NAGPA: variants seen among roughly 807,000 people sequenced by gnomAD.
NAGPA encodes the protein alpha-N-acetylglucosaminyl phosphodiesterase.
A neutral mutation model predicts 48.5 loss-of-function variants in NAGPA; 56 were observed. That is an observed-to-expected ratio of 1.15 (90% CI 0.93 to 1.44). The LOEUF is 1.44. Ranked by LOEUF, NAGPA falls within the 40% of genes most tolerant of loss-of-function variation. The probability of loss-of-function intolerance (pLI) is 0.00; values close to 1 mark genes in which losing one functional copy is unlikely to be tolerated. For missense variants in NAGPA, 888 were observed against 735.0 expected, an observed-to-expected ratio of 1.21 and a Z score of -2.41; for synonymous variants, 399 against 315.5, an observed-to-expected ratio of 1.26 and a Z score of -2.81.
rs1315039942 is a variant in NAGPA, at chr16:5,025,505, C to T, written c.1521G>A (p.Gly507=). ...AGTCCTTGAAGGGGTTGTGGGCGCC[C>T]CCTGGCTGCTCCTTCTCTGCGGCCA... The part of the protein sequence containing the change: ...EPLAAEKEQP[G]GAHNPFKD Residue 507 remains glycine, a synonymous_variant, in exon 10 of 10, where the codon GGG becomes GGA. Coordinates refer to ENST00000312251, the MANE Select transcript of NAGPA (RefSeq NM_016256.4). 1.9e-6 allele frequency: 3 copies of T among 1,612,494 alleles called. No homozygotes were observed. The highest frequency in any genetic ancestry group is 2.5e-6 in the Non-Finnish European group (3 of 1,179,984).
In NAGPA at chr16:5,033,676, G is replaced by GGCGC. The variant is rs750922098; in HGVS notation, c.135_138dup (p.Leu47AlafsTer54). 5.0e-6 allele frequency: 8 copies of GGCGC among 1,591,486 alleles called. No individual in the cohort carries two copies. Among genetic ancestry groups the GGCGC allele is most frequent in the African/African-American group, 2.7e-5 (2 of 74,528 alleles). ...CGCACCCGTGTGCAGTCCCGGGGGAGGCGCGCGCGCGCGCGTGGATAGGGC... is the reference window on the plus strand; with the variant it reads ...CGCACCCGTGTGCAGTCCCGGGGGAGGCGCGCGCGCGCGCGCGCGTGGATAGGGC... On this transcript the variant is annotated frameshift_variant, in exon 2 of 10. Coordinates refer to ENST00000312251, the MANE Select transcript of NAGPA (RefSeq NM_016256.4). LOFTEE classifies it high-confidence loss of function. The surrounding 1 kb of genome is among the most constrained non-coding windows in gnomAD (Gnocchi z 4.2).
At position 5,028,993 on chromosome 16, in the gene NAGPA, T is replaced by C; in HGVS notation, c.807A>G (p.Glu269=). 1 of 1,613,610 alleles carries C rather than the reference T, an allele frequency of 6.2e-7. No homozygotes were observed. The highest frequency in any genetic ancestry group is 8.5e-7 in the Non-Finnish European group (1 of 1,180,030). The change falls in exon 5 of 10, where the codon GAA becomes GAG. Residue 269 remains glutamate, a synonymous_variant. Coordinates refer to ENST00000312251, the MANE Select transcript of NAGPA (RefSeq NM_016256.4). ...QTEQRGINLW[E]MAEFLLKQDV... ...CCTGTTTCAGCAGGAACTCCGCCAT[T>C]TCCCACAGGTTGATGCTGCGGCACA...
intron 9 of NAGPA, among the ~76,000 whole-genome samples, chr16:5,026,031 C>T (rs115096281): frequency 0.018 from 2,729 of 151,430 alleles, 89 homozygotes; most frequent in African/African-American, 0.063. Flanking sequence ...TGGCTTCAAA[C>T]GATTCCCCTG....
At position 5,027,394 on chromosome 16, in the gene NAGPA, TG is replaced by T; in HGVS notation, c.1175-16del. 7 of 1,608,928 alleles carry T rather than the reference TG, an allele frequency of 4.4e-6. No individual in the cohort carries two copies. The highest frequency in any genetic ancestry group is 5.1e-6 in the Non-Finnish European group (6 of 1,176,352). ...AAGGGGACACTCTATGGAAAGGAGATGGGAGGAGGGAGGAGGGAGGAGAAAG... is the reference window on the plus strand; with the variant it reads ...AAGGGGACACTCTATGGAAAGGAGATGGAGGAGGGAGGAGGGAGGAGAAAG... On this transcript the variant is annotated splice_polypyrimidine_tract_variant and intron_variant, in intron 7 of 9. Transcript: ENST00000312251.
rs774928433 is a variant in NAGPA at position 5,025,682 on chromosome 16, G to A, written c.1344C>T (p.Thr448=). ...RAGELSFFTR[T]AWLALTLALA... is the part of the protein sequence containing the mutation. ...GCGCCAGGGTGAGGGCTAGCCAGGC[G>A]GTCCTGCAGACAGGAGAGAAGCCCC... is the stretch of plus-strand genomic sequence containing the variant. The change falls in exon 10 of 10, where the codon ACC becomes ACT. Residue 448 remains threonine, a synonymous_variant. Coordinates refer to ENST00000312251, the MANE Select transcript of NAGPA (RefSeq NM_016256.4). 1.7e-5 allele frequency: 27 copies of A among 1,602,706 alleles called. No individual in the cohort carries two copies. Among genetic ancestry groups the A allele is most frequent in the East Asian group, 4.5e-5 (2 of 44,268 alleles).
chr16:5,032,328 CAAAT>C (rs1956115082), intron 2 of NAGPA, among the ~76,000 whole-genome samples: 1 of 152,028 alleles, frequency 6.6e-6, no homozygotes, highest in South Asian at 2.1e-4. Flanking sequence ...TTTTGAGACT[CAAAT>C]AATTTTTAAG....
Position 5,025,383 on chromosome 16 carries a change from A to G in NAGPA, c.*95T>C. The G allele has an allele frequency of 1.4e-6, 2 of 1,457,636 alleles. No individual in the cohort carries two copies. The highest frequency in any genetic ancestry group is 1.9e-6 in the Non-Finnish European group (2 of 1,060,184). The allele number at this position is 1,457,636 out of a possible 1,614,324, so 90.3% of individuals were successfully genotyped here. A position where few individuals can be genotyped will look rare whatever the true frequency, so the allele number is the denominator to read the frequency against. ...CCCCACAGGGGCTGAGGACACCCAG[A>G]TGGTCCACGCCAGTGGCCTTGAAAT... On this transcript the variant is annotated 3_prime_UTR_variant, in exon 10 of 10. Transcript: ENST00000312251.
chr16:5,028,419 CA>C (rs1160741724), intron 5 of NAGPA: 1 of 842,838 alleles, frequency 1.2e-6, no homozygotes, highest in East Asian at 2.7e-5. Context: ...TTTATTTTTT[CA>C]TAAAGACAGG....
In NAGPA at chr16:5,025,531, G is replaced by A; in HGVS notation, c.1495C>T (p.Leu499=). ...CCTGGCTGCTCCTTCTCTGCGGCCA[G>A]AGGCTCCCCGTTCATCTCCTGCAGC... ...HPLQEMNGEP[L]AAEKEQPGGA... is the part of the protein sequence containing the mutation. Residue 499 remains leucine, a synonymous_variant, in exon 10 of 10, where the codon CTG becomes TTG. Coordinates refer to ENST00000312251, the MANE Select transcript of NAGPA (RefSeq NM_016256.4). 1.2e-6 allele frequency: 2 copies of A among 1,613,198 alleles called. No individual in the cohort carries two copies. Among genetic ancestry groups the A allele is most frequent in the Non-Finnish European group, 1.7e-6 (2 of 1,180,032 alleles).
At chr16:5,032,106 C>T (rs1160099506) in intron 2 of NAGPA, among the ~76,000 whole-genome samples, 3 of 152,124 alleles carry the variant, frequency 2.0e-5, no homozygotes, top group African/African-American at 4.8e-5. Flanking sequence ...CCCCACAAGC[C>T]TTTGCAAACA....
Position 5,025,442 on chromosome 16 carries a change from G to A in NAGPA, c.*36C>T. On this transcript the variant is annotated 3_prime_UTR_variant, in exon 10 of 10. Coordinates refer to ENST00000312251, the MANE Select transcript of NAGPA (RefSeq NM_016256.4). ...CAGAAGCCAGACCGTGGGGAAACAA[G>A]CTTTCGCGACGTGCCACCCCGGGCA... 1 of 1,608,200 alleles carries A rather than the reference G, an allele frequency of 6.2e-7. No homozygotes were observed. The highest frequency in any genetic ancestry group is 8.5e-7 in the Non-Finnish European group (1 of 1,177,474).
intron 4 of NAGPA, 43 bp from the exon 5 acceptor site, chr16:5,029,051 C>T: frequency 6.2e-7 from 1 of 1,607,678 alleles, no homozygotes; most frequent in Middle Eastern, 1.7e-4. Context: ...CGCCCACCAT[C>T]ATTTCTCATT....
chr16:5,030,223 G>C (rs1041601569), intron 4 of NAGPA, 162 bp downstream of exon 4: 3 of 682,036 alleles, frequency 4.4e-6, no homozygotes, highest in African/African-American at 1.8e-5. Flanking sequence ...AAAGATCTCA[G>C]AACCCTCATC....
At chr16:5,027,450 C>T (rs1337248837) in intron 7 of NAGPA, 71 bp from the exon 8 acceptor site, 43 of 1,497,750 alleles carry the variant, frequency 2.9e-5, no homozygotes, top group Middle Eastern at 2.1e-4. Context: ...GAGCCTTTCT[C>T]GACAGGACAG....
In NAGPA at chr16:5,033,010, C is replaced by T. The variant is rs1956129183; in HGVS notation, c.542+263G>A. 1.7e-6 allele frequency: 1 copy of T among 575,036 alleles called. No individual in the cohort carries two copies. Among genetic ancestry groups the T allele is most frequent in the African/African-American group, 1.9e-5 (1 of 52,950 alleles). The allele number at this position is 575,036 out of a possible 1,614,324, so 35.6% of individuals were successfully genotyped here. On this transcript the variant is annotated intron_variant, in intron 2 of 9. Coordinates refer to ENST00000312251, the MANE Select transcript of NAGPA (RefSeq NM_016256.4). This position sits in a 1 kb window ranked among gnomAD's most constrained non-coding sequence, Gnocchi z 4.2. ...ATTTACCCGGCTTTTGTTGATTTTT[C>T]TAGTAATGGGGGAGGGCTGTTAAGG...
chr16:5,030,187 G>A (rs1956074831), intron 4 of NAGPA, 198 bp downstream of exon 4: 4 of 624,886 alleles, frequency 6.4e-6, no homozygotes, highest in East Asian at 2.7e-5. Flanking sequence ...GCCTAAAGCT[G>A]AAGATGATGA....
At chr16:5,027,043 G>T in intron 9 of NAGPA, 92 bp downstream of exon 9, 2 of 1,481,486 alleles carry the variant, frequency 1.3e-6, no homozygotes, top group South Asian at 1.2e-5. Flanking sequence ...GCTGGCAGGG[G>T]ACAAGGGCAG....
At chr16:5,029,228 G>A in intron 4 of NAGPA, 1 of 695,364 alleles carries the variant, frequency 1.4e-6, no homozygotes, top group South Asian at 1.8e-5. Flanking sequence ...CTTAAGGGAG[G>A]GGAAACGGCC....
chr16:5,026,771 C>T (rs117944631), intron 9 of NAGPA, among the ~76,000 whole-genome samples: 31 of 152,250 alleles, frequency 2.0e-4, no homozygotes, highest in Admixed American at 1.3e-3. Flanking sequence ...CATGGGGGCA[C>T]GTGCCTGTCG....
Sources: allele counts gnomAD v4.1 joint callset (sites outside exome capture counted in the v4.1 genomes callset), GRCh38; gene constraint gnomAD v4.1.1; non-coding constraint Gnocchi (gnomAD v3.1); transcripts MANE v1.5; gene names NCBI Gene and HGNC (gene_info 2026-07-23, HGNC 2026-07-21).